ADCY2: variants seen among roughly 807,000 people sequenced by gnomAD.
ADCY2 encodes the protein adenylate cyclase 2, also known as adenylate cyclase type 2.
A neutral mutation model predicts 125.2 loss-of-function variants in ADCY2; 31 were observed. The ratio of observed to expected loss-of-function variants is 0.25; its 90% CI spans 0.19 to 0.33. ADCY2 has a LOEUF of 0.33. Ranked by LOEUF, ADCY2 falls within the 10% of genes least tolerant of loss-of-function variation. ADCY2 has a pLI of 1.00. For synonymous variants in ADCY2, 512 were observed against 548.4 expected (o/e 0.93, Z 0.93); for missense variants, 904 against 1,418.2 (o/e 0.64, Z 5.82).
intron 1 of ADCY2, among the ~76,000 whole-genome samples, chr5:7,407,908 G>A (rs1187128500): frequency 2.8e-5 from 4 of 143,634 alleles, no homozygotes; most frequent in African/African-American, 5.2e-5. Flanking sequence ...TCGCTCTGTC[G>A]ATCCAGCTGG....
Position 7,703,897 on chromosome 5 carries a change from G to A in ADCY2, c.1110-2847G>A, listed in dbSNP as rs984948958. 1.6e-4 allele frequency among the ~76,000 whole-genome samples: 24 copies of A among 151,908 alleles called. No homozygotes were observed. The South Asian group carries it at 1.9e-3, about 12-fold the overall frequency. On this transcript the variant is annotated intron_variant, in intron 7 of 24. Coordinates refer to ENST00000338316, the MANE Select transcript of ADCY2 (RefSeq NM_020546.3). ...TGCACGCCTGTAACTTTAGCTACTG[G>A]AGGCTGAGGCAGGAGAATCACTTGA...
chr5:7,724,477 TA>T, intron 12 of ADCY2, 67 bp from the exon 13 acceptor site: 1 of 1,206,368 alleles, frequency 8.3e-7, no homozygotes, highest in Non-Finnish European at 1.2e-6. Flanking sequence ...CAAGTCATTT[TA>T]AAAAATAGTT....
At chr5:7,412,074 C>CAAA (rs35911952) in intron 1 of ADCY2, among the ~76,000 whole-genome samples, 2,293 of 137,904 alleles carry the variant, frequency 0.017, 45 homozygotes, top group African/African-American at 0.044. Flanking sequence ...GACTCCGTCT[C>CAAA]AAAAAAAAAA....
At chr5:7,491,899 C>T (rs940038888) in intron 2 of ADCY2, among the ~76,000 whole-genome samples, 1 of 152,172 alleles carries the variant, frequency 6.6e-6, no homozygotes, top group African/African-American at 2.4e-5. Flanking sequence ...TTTCCATGTT[C>T]CACATTGTGG....
At chr5:7,771,575 G>A (rs1743559103) in intron 17 of ADCY2, among the ~76,000 whole-genome samples, 1 of 152,124 alleles carries the variant, frequency 6.6e-6, no homozygotes, top group Non-Finnish European at 1.5e-5. Flanking sequence ...ATTCCTGCTT[G>A]AGTGCCTCCA....
intron 20 of ADCY2, among the ~76,000 whole-genome samples, chr5:7,791,941 G>A (rs529646282): frequency 5.9e-5 from 9 of 152,182 alleles, no homozygotes; most frequent in African/African-American, 1.9e-4. Context: ...GCTGGGAGAC[G>A]GGGGCCAGGG....
chr5:7,518,300 G>A (rs1312299111), intron 2 of ADCY2, among the ~76,000 whole-genome samples: 1 of 152,126 alleles, frequency 6.6e-6, no homozygotes, highest in African/African-American at 2.4e-5. Flanking sequence ...GATGAAGTGA[G>A]GGAGGTGCCC....
intron 3 of ADCY2, among the ~76,000 whole-genome samples, chr5:7,570,908 A>G (rs968068037): frequency 6.6e-6 from 1 of 152,014 alleles, no homozygotes; most frequent in Non-Finnish European, 1.5e-5. Context: ...TCATTATGAA[A>G]CCCTAGGCCT....
chr5:7,750,692 G>C (rs755179775), intron 15 of ADCY2, among the ~76,000 whole-genome samples: 18 of 150,384 alleles, frequency 1.2e-4, no homozygotes, highest in Non-Finnish European at 2.5e-4. Flanking sequence ...TAATTTCCTG[G>C]CCTCTGTGGG....
intron 3 of ADCY2, among the ~76,000 whole-genome samples, chr5:7,525,223 T>C (rs746845155): frequency 1.3e-5 from 2 of 152,160 alleles, no homozygotes; most frequent in African/African-American, 2.4e-5. Flanking sequence ...CCCAGGCTGG[T>C]CTCGAACTCC....
chr5:7,419,956 A>G (rs1393722188), intron 2 of ADCY2, among the ~76,000 whole-genome samples: 1 of 152,194 alleles, frequency 6.6e-6, no homozygotes, highest in Non-Finnish European at 1.5e-5. Context: ...ACGAAGGCAC[A>G]GGAGGGAGGC....
intron 3 of ADCY2, among the ~76,000 whole-genome samples, chr5:7,574,254 A>G (rs12517386): frequency 0.14 from 20,177 of 145,968 alleles, 1,817 homozygotes; most frequent in Non-Finnish European, 0.2. Flanking sequence ...AGCATGATTT[A>G]TAGTCATTTG....
At chr5:7,495,977 G>T (rs1186203327) in intron 2 of ADCY2, among the ~76,000 whole-genome samples, 4 of 152,180 alleles carry the variant, frequency 2.6e-5, no homozygotes, top group Non-Finnish European at 5.9e-5. Context: ...CCCATTGTAA[G>T]TGCAGTTCTC....
chr5:7,768,472 C>A (rs1359167370), intron 17 of ADCY2, among the ~76,000 whole-genome samples: 1 of 152,102 alleles, frequency 6.6e-6, no homozygotes, highest in African/African-American at 2.4e-5. Context: ...GTCCCCCTTT[C>A]GCATTCACGT....
At chr5:7,629,286 G>A (rs1183111849) in intron 4 of ADCY2, among the ~76,000 whole-genome samples, 2 of 152,178 alleles carry the variant, frequency 1.3e-5, no homozygotes, top group Admixed American at 1.3e-4. Context: ...TACAGTGGCG[G>A]GTTAGCCCAG....
intron 2 of ADCY2, among the ~76,000 whole-genome samples, chr5:7,467,846 C>T (rs1742182428): frequency 6.6e-6 from 1 of 152,128 alleles, no homozygotes; most frequent in South Asian, 2.1e-4. Flanking sequence ...AGAACTTCAT[C>T]TTGACATTTC....
chr5:7,803,385 G>T (rs1254008630), intron 21 of ADCY2, among the ~76,000 whole-genome samples: 1 of 152,194 alleles, frequency 6.6e-6, no homozygotes, highest in Non-Finnish European at 1.5e-5. Flanking sequence ...CAAGGGAGGG[G>T]CAAGAAAACG....
At chr5:7,651,834 C>T (rs112991893) in intron 4 of ADCY2, among the ~76,000 whole-genome samples, 3,254 of 152,110 alleles carry the variant, frequency 0.021, 119 homozygotes, top group African/African-American at 0.074. Flanking sequence ...GATGGAGTCT[C>T]GCTCTGTCAC....
intron 3 of ADCY2, among the ~76,000 whole-genome samples, chr5:7,617,863 T>C (rs1737817799): frequency 6.6e-6 from 1 of 152,210 alleles, no homozygotes; most frequent in Admixed American, 6.5e-5. Flanking sequence ...AGGCATGCTC[T>C]TTCCTAATGA....
Sources: allele counts gnomAD v4.1 joint callset (sites outside exome capture counted in the v4.1 genomes callset), GRCh38; gene constraint gnomAD v4.1.1; transcripts MANE v1.5; gene names NCBI Gene and HGNC (gene_info 2026-07-23, HGNC 2026-07-21).